Variants in SWT1 observed in about 807,000 individuals in gnomAD.
The protein encoded by SWT1 is SWT1 RNA endoribonuclease homolog.
SWT1 carries 33 observed loss-of-function variants against 107.3 expected under a neutral mutation model. The observed-to-expected ratio is 0.31, with a 90% CI of 0.23 to 0.41. SWT1 has a LOEUF of 0.41. Ranked by LOEUF, SWT1 falls within the 10% of genes least tolerant of loss-of-function variation. SWT1 has a pLI of 1.00. For synonymous variants in SWT1, 345 were observed against 348.3 expected, an observed-to-expected ratio of 0.99 and a Z score of 0.11; for missense variants, 898 against 1,028.9, an observed-to-expected ratio of 0.87 and a Z score of 1.74.
At position 185,277,742 on chromosome 1, in the gene SWT1, G is replaced by T. The variant is rs550843710; in HGVS notation, c.2573+1074G>T. On this transcript the variant is annotated intron_variant, in intron 18 of 18. Coordinates refer to ENST00000367500, the MANE Select transcript of SWT1 (RefSeq NM_017673.7). ...TGCCTACCATTCAACTAACAAACTT[G>T]AATTTTACCCATTTCTAGCTGTAAC... Among the ~76,000 whole-genome samples the T allele has an allele frequency of 2.6e-5, 4 of 151,810 alleles. No homozygotes were observed. In the East Asian group the frequency reaches 5.8e-4, roughly 22 times the overall value.
chr1:185,204,752 G>A lies in SWT1; in HGVS notation c.1722G>A (p.Leu574=), dbSNP rs758411184. 1.2e-6 allele frequency: 2 copies of A among 1,602,282 alleles called. No individual in the cohort carries two copies. Among genetic ancestry groups the A allele is most frequent in the East Asian group, 4.5e-5 (2 of 44,014 alleles). The change falls in exon 12 of 19, where the codon CTG becomes CTA. Residue 574 remains leucine (L), a synonymous_variant. Coordinates refer to ENST00000367500, the MANE Select transcript of SWT1 (RefSeq NM_017673.7). ...SYKEESTNSG[L]SILLESIVSD... is the part of the protein sequence containing the mutation. The stretch of plus-strand genomic sequence containing the variant: ...AGGAGGAATCTACAAATTCTGGACT[G>A]TCCATTCTGCTTGAGAGCATTGTAT...
At chr1:185,237,326 A>G (rs894118304) in intron 16 of SWT1, among the ~76,000 whole-genome samples, 2 of 152,228 alleles carry the variant, frequency 1.3e-5, no homozygotes, top group Non-Finnish European at 2.9e-5. Flanking sequence ...GATAGACTGG[A>G]TAAAGAAAGT....
rs549238264 is a variant in SWT1, at chr1:185,262,053, C to T, written c.2442-9270C>T. ...TTTTACTCTCAGCTCTTCAGTTGCT[C>T]CTTCCTTGTTAACGAGAGTGATCCT... On this transcript the variant is annotated intron_variant, in intron 16 of 18. Transcript: ENST00000367500. Among the ~76,000 whole-genome samples the T allele has an allele frequency of 3.9e-5, 6 of 152,156 alleles. No individual in the cohort carries two copies. The South Asian group carries it at 6.2e-4, about 16-fold the overall frequency.
At chr1:185,196,404 T>C (rs1318427461) in intron 10 of SWT1, among the ~76,000 whole-genome samples, 3 of 152,220 alleles carry the variant, frequency 2.0e-5, no homozygotes, top group African/African-American at 7.2e-5. Flanking sequence ...TAGTAGAGTT[T>C]GAAGTCAGGT....
chr1:185,222,103 C>T (rs932753018), intron 15 of SWT1, 67 bp downstream of exon 15: 47 of 1,094,528 alleles, frequency 4.3e-5, no homozygotes, highest in Admixed American at 8.6e-5. Flanking sequence ...TACATATTTA[C>T]AGGGTACAAT....
intron 10 of SWT1, among the ~76,000 whole-genome samples, chr1:185,193,519 T>C (rs868094765): frequency 6.7e-6 from 1 of 150,366 alleles, no homozygotes; most frequent in Non-Finnish European, 1.5e-5. Context: ...CAGGCTGGAG[T>C]GAAGTGGTGC....
chr1:185,222,272 G>A (rs1232681381), intron 15 of SWT1, among the ~76,000 whole-genome samples: 1 of 152,014 alleles, frequency 6.6e-6, no homozygotes, highest in Non-Finnish European at 1.5e-5. Flanking sequence ...GTTGTCACAA[G>A]TGACAGAATA....
chr1:185,266,300 G>A (rs978320981), intron 16 of SWT1, among the ~76,000 whole-genome samples: 3 of 152,126 alleles, frequency 2.0e-5, no homozygotes, highest in Admixed American at 6.6e-5. Flanking sequence ...TCCTGACCTC[G>A]TGATCTGCCC....
At chr1:185,251,549 T>C (rs1662021552) in intron 16 of SWT1, 1 of 152,216 alleles carries the variant, frequency 6.6e-6, no homozygotes, top group Non-Finnish European at 1.5e-5. Context: ...CTGCCAATTT[T>C]TCTTTGCATA....
At chr1:185,221,083 A>T (rs866217397) in intron 14 of SWT1, among the ~76,000 whole-genome samples, 1,757 of 136,964 alleles carry the variant, frequency 0.013, 25 homozygotes, top group African/African-American at 0.045. Flanking sequence ...ACACACACAC[A>T]CTCTTCTAGA....
chr1:185,216,559 A>G (rs1015010845), intron 14 of SWT1, among the ~76,000 whole-genome samples: 10 of 152,240 alleles, frequency 6.6e-5, no homozygotes, highest in Admixed American at 3.3e-4. Context: ...ATAAAAACCT[A>G]CAGATGGGAG....
chr1:185,211,524 T>C (rs1461995220), intron 13 of SWT1, among the ~76,000 whole-genome samples: 1 of 152,160 alleles, frequency 6.6e-6, no homozygotes, highest in Non-Finnish European at 1.5e-5. Context: ...GAGCAACATA[T>C]TGGACATCTC....
At chr1:185,205,207 A>T (rs1658237044) in intron 12 of SWT1, among the ~76,000 whole-genome samples, 1 of 152,180 alleles carries the variant, frequency 6.6e-6, no homozygotes, top group African/African-American at 2.4e-5. Flanking sequence ...AGCAATATGT[A>T]TTCAGAAAAA....
At chr1:185,246,623 C>CTTTTTTTT (rs375322237) in intron 16 of SWT1, among the ~76,000 whole-genome samples, 1 of 96,498 alleles carries the variant, frequency 1.0e-5, no homozygotes, top group Non-Finnish European at 1.9e-5. Flanking sequence ...TTTTGGAGAG[C>CTTTTTTTT]TTTTTTTTTT....
intron 1 of SWT1, among the ~76,000 whole-genome samples, chr1:185,158,922 T>C (rs1653895785): frequency 6.6e-6 from 1 of 152,188 alleles, no homozygotes; most frequent in Admixed American, 6.5e-5. Context: ...GCTGCTGTCA[T>C]GTCACTTGAT....
intron 4 of SWT1, among the ~76,000 whole-genome samples, chr1:185,173,420 G>T (rs571637920): frequency 6.6e-6 from 1 of 151,616 alleles, no homozygotes; most frequent in Non-Finnish European, 1.5e-5. Context: ...CAGGTTGGGC[G>T]TAGTGGCTCA....
chr1:185,253,059 T>C (rs1365210437), intron 16 of SWT1, among the ~76,000 whole-genome samples: 3 of 136,942 alleles, frequency 2.2e-5, no homozygotes, highest in Non-Finnish European at 4.7e-5. Flanking sequence ...CCATTGCTTG[T>C]TTTTCTCAGG....
chr1:185,165,316 A>G (rs1654476527), intron 2 of SWT1, among the ~76,000 whole-genome samples: 2 of 152,222 alleles, frequency 1.3e-5, no homozygotes, highest in Non-Finnish European at 1.5e-5. Flanking sequence ...AGTGTGACAC[A>G]GAGACATGAA....
chr1:185,197,168 A>C (rs1657463965), intron 10 of SWT1, among the ~76,000 whole-genome samples: 1 of 152,194 alleles, frequency 6.6e-6, no homozygotes, highest in Non-Finnish European at 1.5e-5. Context: ...AGTTTTTAGC[A>C]TGAAGGGGTG....
Sources: allele counts gnomAD v4.1 joint callset (sites outside exome capture counted in the v4.1 genomes callset), GRCh38; gene constraint gnomAD v4.1.1; transcripts MANE v1.5; gene names NCBI Gene and HGNC (gene_info 2026-07-23, HGNC 2026-07-21).